Variants in NSUN7 observed in about 807,000 individuals in gnomAD.
The protein encoded by NSUN7 is NOP2/Sun RNA methyltransferase family member 7.
NSUN7 carries 39 observed loss-of-function variants against 58.5 expected under a neutral mutation model. The ratio of observed to expected loss-of-function variants is 0.67; its 90% CI spans 0.52 to 0.87. The LOEUF is 0.87. Ranked by LOEUF, NSUN7 falls within the 40% of genes least tolerant of loss-of-function variation. The pLI, the probability that NSUN7 is intolerant of heterozygous loss-of-function variation, is 0.00. For synonymous variants in NSUN7, 278 were observed against 303.7 expected, an observed-to-expected ratio of 0.92 and a Z score of 0.88; for missense variants, 765 against 844.1, an observed-to-expected ratio of 0.91 and a Z score of 1.16.
intron 4 of NSUN7, among the ~76,000 whole-genome samples, chr4:40,765,762 A>G (rs1244414391): frequency 6.6e-6 from 1 of 152,142 alleles, no homozygotes; most frequent in Non-Finnish European, 1.5e-5. Flanking sequence ...TTCATTGAGC[A>G]GTGGTTTGTA....
chr4:40,770,275 A>G (rs974209805), intron 4 of NSUN7, among the ~76,000 whole-genome samples: 1 of 152,082 alleles, frequency 6.6e-6, no homozygotes, highest in Non-Finnish European at 1.5e-5. Flanking sequence ...ACATTCTGAG[A>G]AATGTGTCGT....
intron 10 of NSUN7, among the ~76,000 whole-genome samples, chr4:40,802,758 C>A (rs946742642): frequency 1.3e-5 from 2 of 151,060 alleles, no homozygotes; most frequent in African/African-American, 2.4e-5. Flanking sequence ...ACCTTTTACC[C>A]TGACACTTTG....
chr4:40,751,716 A>G (rs1740843518), intron 2 of NSUN7, among the ~76,000 whole-genome samples: 1 of 151,968 alleles, frequency 6.6e-6, no homozygotes, highest in African/African-American at 2.4e-5. Context: ...ATCTGAGGCC[A>G]AGGGTGGTTG....
rs774549219 is a variant in NSUN7 at position 40,798,810 on chromosome 4, T to C, written c.1306T>C (p.Tyr436His). Reference sequence around the variant, plus strand: ...AGTTACTAAAGCTCAAGCAGTTGTTTACTGCACATGTTCAGTTTTTCCAGA... The same window carrying C: ...AGTTACTAAAGCTCAAGCAGTTGTTCACTGCACATGTTCAGTTTTTCCAGA... ...MKFTKAQAVV[Y>H]CTCSVFPEEN... The change falls in exon 10 of 12, where the codon TAC becomes CAC. Residue 436 changes from tyrosine to histidine, a missense_variant. Coordinates refer to ENST00000381782, the MANE Select transcript of NSUN7 (RefSeq NM_024677.6). The C allele has an allele frequency of 5.0e-6, 8 of 1,608,326 alleles. No homozygotes were observed. In the East Asian group the frequency reaches 1.8e-4, roughly 36 times the overall value.
intron 11 of NSUN7, among the ~76,000 whole-genome samples, chr4:40,807,774 G>A (rs902570975): frequency 6.6e-6 from 1 of 151,976 alleles, no homozygotes; most frequent in Non-Finnish European, 1.5e-5. Flanking sequence ...AGGCATGGGG[G>A]CTCAAGCCTG....
chr4:40,773,823 C>T (rs966288899), intron 4 of NSUN7, among the ~76,000 whole-genome samples: 1 of 152,000 alleles, frequency 6.6e-6, no homozygotes, highest in African/African-American at 2.4e-5. Context: ...TTTTTTGAGA[C>T]AGAGTTTTGC....
chr4:40,773,947 C>T (rs190519919), intron 4 of NSUN7, among the ~76,000 whole-genome samples: 2,551 of 151,950 alleles, frequency 0.017, 75 homozygotes, highest in African/African-American at 0.058. Context: ...TACAGGCGCC[C>T]GCCACCACGC....
chr4:40,759,451 T>A (rs1741333702), intron 2 of NSUN7, among the ~76,000 whole-genome samples: 1 of 152,256 alleles, frequency 6.6e-6, no homozygotes, highest in Non-Finnish European at 1.5e-5. Context: ...GCCTTTGCAG[T>A]TATCATAACC....
chr4:40,799,031 T>C, intron 10 of NSUN7, 127 bp downstream of exon 10: 1 of 360,946 alleles, frequency 2.8e-6, no homozygotes, highest in Non-Finnish European at 4.9e-6. Flanking sequence ...TAAAATTGCC[T>C]GACTTCTTAC....
At chr4:40,782,156 A>G (rs1261004856) in intron 7 of NSUN7, among the ~76,000 whole-genome samples, 1 of 152,222 alleles carries the variant, frequency 6.6e-6, no homozygotes, top group Admixed American at 6.5e-5. Context: ...ATTTCTATCT[A>G]CCAACAATGA....
intron 4 of NSUN7, among the ~76,000 whole-genome samples, chr4:40,769,107 A>G (rs1415317101): frequency 6.6e-6 from 1 of 152,194 alleles, no homozygotes; most frequent in East Asian, 1.9e-4. Context: ...CTCCAATTCA[A>G]AAACATACAC....
Position 40,763,448 on chromosome 4 carries a change from G to A in NSUN7, c.488+2147G>A, listed in dbSNP as rs55983847. On this transcript the variant is annotated intron_variant, in intron 4 of 11. Coordinates refer to ENST00000381782, the MANE Select transcript of NSUN7 (RefSeq NM_024677.6). ...ACAGGCTCCGAGTTTCAGTTTCCTCGTGCTTCTCCTAGTTTCTGTTTGACA... is the reference window on the plus strand; with the variant it reads ...ACAGGCTCCGAGTTTCAGTTTCCTCATGCTTCTCCTAGTTTCTGTTTGACA... Among the ~76,000 whole-genome samples, 33 of 152,196 alleles carry A rather than the reference G, an allele frequency of 2.2e-4. 1 individual carries two copies. The East Asian group carries it at 2.3e-3, about 11-fold the overall frequency.
intron 9 of NSUN7, among the ~76,000 whole-genome samples, chr4:40,796,103 C>T (rs923250054): frequency 6.6e-6 from 1 of 152,198 alleles, no homozygotes; most frequent in Non-Finnish European, 1.5e-5. Flanking sequence ...CGTGGTGGCT[C>T]ATGCCTGTAA....
At chr4:40,798,706 A>T in intron 9 of NSUN7, 81 bp from the exon 10 acceptor site, 2 of 760,316 alleles carry the variant, frequency 2.6e-6, no homozygotes, top group Non-Finnish European at 4.3e-6. Context: ...ATTAGTATCA[A>T]ATAGATGTTT....
At chr4:40,803,330 T>G (rs1046834830) in intron 10 of NSUN7, among the ~76,000 whole-genome samples, 1 of 152,194 alleles carries the variant, frequency 6.6e-6, no homozygotes, top group African/African-American at 2.4e-5. Context: ...TCAAATGGTA[T>G]TTTTAGTTCT....
intron 7 of NSUN7, among the ~76,000 whole-genome samples, chr4:40,779,370 G>A (rs767377509): frequency 2.6e-5 from 4 of 152,122 alleles, no homozygotes; most frequent in Non-Finnish European, 4.4e-5. Flanking sequence ...TTGGGAGGCC[G>A]AGGCTGGCGG....
chr4:40,786,149 C>T, intron 7 of NSUN7: 1 of 1,611,400 alleles, frequency 6.2e-7, no homozygotes, highest in South Asian at 1.1e-5. Context: ...TCTATCCTGT[C>T]CAACCTGCCT....
In NSUN7 at chr4:40,808,789, G is replaced by A. The variant is rs1372354075; in HGVS notation, c.2007G>A (p.Arg669=). The A allele has an allele frequency of 1.9e-6, 3 of 1,546,852 alleles. No homozygotes were observed. The stretch of plus-strand genomic sequence containing the variant: ...CAAGTCCCCAAGGGATCAGATCTCG[G>A]ATGCCAACTCAACATTTGTACTGTC... ...PFSSPQGIRS[R]MPTQHLYCRW... is the part of the protein sequence containing the mutation. Residue 669 remains arginine (R), a synonymous_variant, in exon 12 of 12, where the codon CGG becomes CGA. Coordinates refer to ENST00000381782, the MANE Select transcript of NSUN7 (RefSeq NM_024677.6).
rs556065944 is a variant in NSUN7 at position 40,790,928 on chromosome 4, C to G, written c.1180+183C>G. Among the ~76,000 whole-genome samples the G allele has an allele frequency of 2.0e-5, 3 of 152,122 alleles. No homozygotes were observed. The South Asian group carries it at 6.2e-4, about 32-fold the overall frequency. ...ACCTCATTTAATCCTTACACCAATC[C>G]AATAGACCAGGGTGATATTCAAAAT... On this transcript the variant is annotated intron_variant, in intron 8 of 11. Transcript: ENST00000381782.
Sources: allele counts gnomAD v4.1 joint callset (sites outside exome capture counted in the v4.1 genomes callset), GRCh38; gene constraint gnomAD v4.1.1; transcripts MANE v1.5; gene names NCBI Gene and HGNC (gene_info 2026-07-23, HGNC 2026-07-21).